The following NLRP5 variants were observed in gnomAD, a reference collection of about 807,000 sequenced individuals.
The protein encoded by NLRP5 is NLR family pyrin domain containing 5.
In NLRP5, 93 loss-of-function variants were observed where a neutral mutation model predicts 113.1. The observed-to-expected ratio is 0.82, with a 90% CI of 0.70 to 0.98. The LOEUF (loss-of-function observed/expected upper bound fraction) is 0.98, where lower values mean the gene tolerates loss of function less well. NLRP5 is among the 50% of genes least tolerant of loss of function. NLRP5 has a pLI of 0.00. For synonymous variants in NLRP5, 751 were observed against 600.7 expected (o/e 1.25, Z -3.66); for missense variants, 1,808 against 1,514.3 (o/e 1.19, Z -3.22).
chr19:55,995,452 A>G (rs996785832), upstream of NLRP5, among the ~76,000 whole-genome samples: 1 of 152,164 alleles, frequency 6.6e-6, no homozygotes. Flanking sequence ...TGAATTATCT[A>G]TTCTGTTGGT....
chr19:55,996,822 A>G (rs1272104911), upstream of NLRP5, among the ~76,000 whole-genome samples: 5 of 152,352 alleles, frequency 3.3e-5, no homozygotes, highest in East Asian at 9.6e-4. Flanking sequence ...TTATAGCAAC[A>G]TGATTTATAA....
chr19:56,027,019 A>G lies in NLRP5; in HGVS notation c.786A>G (p.Glu262=), dbSNP rs919902303. ...AAAACACTGCTGCTGACTGGCCGGAAATGCAAACGTTGGCTGGTGCTTTTG... is the reference window on the plus strand; with the variant it reads ...AAAACACTGCTGCTGACTGGCCGGAGATGCAAACGTTGGCTGGTGCTTTTG... The change falls in exon 7 of 15, where the codon GAA becomes GAG. Residue 262 remains glutamate (E), a synonymous_variant. Transcript: ENST00000390649. 6.4e-7 allele frequency: 1 copy of G among 1,552,146 alleles called. No individual in the cohort carries two copies. The highest frequency in any genetic ancestry group is 8.7e-7 in the Non-Finnish European group (1 of 1,147,232).
chr19:56,021,190 C>T (rs935997830), intron 6 of NLRP5, among the ~76,000 whole-genome samples: 1 of 152,082 alleles, frequency 6.6e-6, no homozygotes, highest in African/African-American at 2.4e-5. Context: ...CATTTATCAT[C>T]CAGACTTACA....
intron 6 of NLRP5, among the ~76,000 whole-genome samples, chr19:56,024,054 A>G (rs896502993): frequency 3.3e-5 from 5 of 152,184 alleles, no homozygotes; most frequent in African/African-American, 9.7e-5. Context: ...CATGGAGCTT[A>G]CATTATAAGC....
intron 4 of NLRP5, among the ~76,000 whole-genome samples, chr19:56,016,541 A>C (rs368130247): frequency 6.6e-6 from 1 of 152,126 alleles, no homozygotes; most frequent in Non-Finnish European, 1.5e-5. Flanking sequence ...AGAATACCAG[A>C]ACTTACTCCT....
intron 14 of NLRP5, among the ~76,000 whole-genome samples, chr19:56,060,137 T>C (rs1274392982): frequency 2.0e-5 from 3 of 152,204 alleles, no homozygotes; most frequent in Non-Finnish European, 4.4e-5. Context: ...ATCCTTGATT[T>C]ATGAGGCACT....
chr19:56,048,979 A>ATTTTTTTTTTTTTTTTTTTT (rs60229740), intron 11 of NLRP5, among the ~76,000 whole-genome samples: 1 of 94,976 alleles, frequency 1.1e-5, no homozygotes, highest in African/African-American at 4.4e-5. Context: ...TTTTTTTTTA[A>ATTTTTTTTTTTTTTTTTTTT]TTTTTTTTTT....
chr19:56,022,745 A>T (rs893972730), intron 6 of NLRP5, among the ~76,000 whole-genome samples: 5 of 152,056 alleles, frequency 3.3e-5, no homozygotes, highest in African/African-American at 9.7e-5. Flanking sequence ...TTGTTTTGAG[A>T]CTGAGTTTAG....
At chr19:56,056,564 C>A (rs12610521) in intron 13 of NLRP5, among the ~76,000 whole-genome samples, 20,189 of 151,758 alleles carry the variant, frequency 0.13, 1,527 homozygotes, top group East Asian at 0.31. Context: ...TTCTAAAAAA[C>A]AAAAGCATCC....
chr19:56,010,015 A>G (rs16986877), intron 3 of NLRP5, among the ~76,000 whole-genome samples: 59,296 of 152,042 alleles, frequency 0.39, 11,744 homozygotes, highest in Admixed American at 0.42. Flanking sequence ...ATAAGTTACC[A>G]AATGGTGGCT....
At chr19:56,044,840 A>G (rs899849450) in intron 11 of NLRP5, among the ~76,000 whole-genome samples, 5 of 152,192 alleles carry the variant, frequency 3.3e-5, no homozygotes, top group Admixed American at 2.0e-4. Context: ...ATCCATGAGC[A>G]TGGGATGTGT....
At chr19:56,013,209 T>C (rs1315506147) in intron 3 of NLRP5, among the ~76,000 whole-genome samples, 2 of 152,152 alleles carry the variant, frequency 1.3e-5, no homozygotes, top group African/African-American at 4.8e-5. Flanking sequence ...TGTTTTTGTT[T>C]TGAGATGGAG....
At chr19:56,038,004 T>G in intron 9 of NLRP5, 21 bp from the exon 10 acceptor site, 1 of 1,613,298 alleles carries the variant, frequency 6.2e-7, no homozygotes, top group Non-Finnish European at 8.5e-7. Flanking sequence ...TGGGATTGCT[T>G]CATGCTGCCT....
At chr19:56,007,386 A>G (rs947939099) in intron 2 of NLRP5, among the ~76,000 whole-genome samples, 2 of 148,922 alleles carry the variant, frequency 1.3e-5, no homozygotes, top group African/African-American at 5.0e-5. Flanking sequence ...AAAGTCTTAC[A>G]GTTCCTATTC....
chr19:56,019,175 G>T, intron 4 of NLRP5, 167 bp from the exon 5 acceptor site: 1 of 696,952 alleles, frequency 1.4e-6, no homozygotes, highest in Non-Finnish European at 2.5e-6. Context: ...CTTTGAATTA[G>T]TGCTCATTGT....
At chr19:56,052,887 T>C (rs1224557678) in intron 12 of NLRP5, among the ~76,000 whole-genome samples, 1 of 152,210 alleles carries the variant, frequency 6.6e-6, no homozygotes, top group Non-Finnish European at 1.5e-5. Flanking sequence ...CCGTGGAGAA[T>C]CTTGACCTCA....
At position 56,038,001 on chromosome 19, in the gene NLRP5, G is replaced by A. The variant is rs199475781; in HGVS notation, c.2616-24G>A. 1,104 of 1,613,024 alleles carry A rather than the reference G, an allele frequency of 6.8e-4. 9 individuals are homozygous for A. In the African/African-American group the frequency reaches 0.013, roughly 19 times the overall value. On this transcript the variant is annotated intron_variant, in intron 9 of 14. Coordinates refer to ENST00000390649, the MANE Select transcript of NLRP5 (RefSeq NM_153447.4). ...GCTGCTTTGGACAAGAGCTGGGATT[G>A]CTTCATGCTGCCTGTCTCTGCAGGC... is the stretch of plus-strand genomic sequence containing the variant.
At position 56,008,901 on chromosome 19, in the gene NLRP5, G is replaced by A. The variant is rs142992649; in HGVS notation, c.508+48G>A. Reference sequence around the variant, plus strand: ...AAATAGGATGTGCTTAAAGACACATGGCAGCCAGTTTGCATCTCTAGGCAT... The same window carrying A: ...AAATAGGATGTGCTTAAAGACACATAGCAGCCAGTTTGCATCTCTAGGCAT... On this transcript the variant is annotated intron_variant, in intron 3 of 14. Transcript: ENST00000390649. 572 of 1,533,724 alleles carry A rather than the reference G, an allele frequency of 3.7e-4. 1 individual carries two copies. The African/African-American group carries it at 6.8e-3, about 18-fold the overall frequency.
rs200705062 is a variant in NLRP5, at chr19:56,027,821, C to G, written c.1588C>G (p.Arg530Gly). 3.1e-6 allele frequency: 5 copies of G among 1,613,976 alleles called. No homozygotes were observed. Among genetic ancestry groups the G allele is most frequent in the Non-Finnish European group, 4.2e-6 (5 of 1,179,884 alleles). ...TCTGGAGGAAAGAGTTGTCCTGAAG[C>G]GCTTCTGCCGTATGGCTGTGGAGGG... Residue 530 changes from arginine to glycine, a missense_variant, in exon 7 of 15, where the codon CGC (arginine) becomes GGC (glycine). Arg to Gly is a moderately radical substitution (Grantham distance 125). Coordinates refer to ENST00000390649, the MANE Select transcript of NLRP5 (RefSeq NM_153447.4).
Sources: gnomAD v4.1 joint callset for allele counts (sites outside exome capture counted in the v4.1 genomes callset) on GRCh38, gnomAD v4.1.1 for gene constraint, MANE v1.5 for transcripts, NCBI Gene and HGNC (gene_info 2026-07-23, HGNC 2026-07-21) for gene names.